NFIA: variants seen among roughly 807,000 people sequenced by gnomAD.
The protein encoded by NFIA is nuclear factor I A, also known as nuclear factor 1 A-type.
NFIA carries 8 observed loss-of-function variants against 62.8 expected under a neutral mutation model. The observed-to-expected ratio is 0.13, with a 90% CI of 0.07 to 0.23. The LOEUF is 0.23. NFIA is among the 10% of genes least tolerant of loss of function. The probability of loss-of-function intolerance (pLI) is 1.00; values close to 1 mark genes in which losing one functional copy is unlikely to be tolerated. For missense variants in NFIA, 410 were observed against 642.1 expected, an observed-to-expected ratio of 0.64 and a Z score of 3.91; for synonymous variants, 235 against 238.1, an observed-to-expected ratio of 0.99 and a Z score of 0.12.
intron 2 of NFIA, among the ~76,000 whole-genome samples, chr1:61,174,426 G>A (rs1650184712): frequency 6.6e-6 from 1 of 152,216 alleles, no homozygotes; most frequent in South Asian, 2.1e-4. Flanking sequence ...ACTTTTAATG[G>A]AAAGGTTGGG....
chr1:61,183,570 G>C (rs1650904198), intron 2 of NFIA, among the ~76,000 whole-genome samples: 1 of 152,214 alleles, frequency 6.6e-6, no homozygotes, highest in African/African-American at 2.4e-5. Context: ...CCACAGACAT[G>C]CCTGGCCAAT....
At chr1:61,135,452 G>A (rs1368415250) in intron 2 of NFIA, among the ~76,000 whole-genome samples, 1 of 152,142 alleles carries the variant, frequency 6.6e-6, no homozygotes, top group Admixed American at 6.5e-5. Context: ...TGTTGCACAG[G>A]CTGGAGTGCA....
At chr1:61,084,031 T>A (rs12069799) in intron 1 of NFIA, among the ~76,000 whole-genome samples, 4 of 152,100 alleles carry the variant, frequency 2.6e-5, no homozygotes, top group Non-Finnish European at 5.9e-5. Context: ...GGTTTTGCGC[T>A]ATTTTTTTTT....
intron 10 of NFIA, among the ~76,000 whole-genome samples, chr1:61,453,535 A>C (rs1252679536): frequency 6.6e-6 from 1 of 150,628 alleles, no homozygotes; most frequent in Non-Finnish European, 1.5e-5. Context: ...CTCGTCCAGA[A>C]ACTGTGGTGT....
At chr1:61,405,373 A>G (rs1395786224) in intron 8 of NFIA, among the ~76,000 whole-genome samples, 1 of 152,246 alleles carries the variant, frequency 6.6e-6, no homozygotes, top group East Asian at 1.9e-4. Context: ...TGCTGGCAAG[A>G]AAGCACAGCA....
chr1:61,394,380 G>T (rs192470545), intron 7 of NFIA, among the ~76,000 whole-genome samples: 1 of 152,094 alleles, frequency 6.6e-6, no homozygotes, highest in Non-Finnish European at 1.5e-5. Context: ...TCACCATGTT[G>T]ACCAGGCTGG....
intron 2 of NFIA, among the ~76,000 whole-genome samples, chr1:61,118,797 G>C (rs933310997): frequency 1.3e-5 from 2 of 152,010 alleles, no homozygotes; most frequent in African/African-American, 4.8e-5. Flanking sequence ...GCTTGCCACA[G>C]GGTTACACAG....
chr1:61,272,369 T>C (rs1316625536), intron 2 of NFIA, among the ~76,000 whole-genome samples: 1 of 152,184 alleles, frequency 6.6e-6, no homozygotes, highest in African/African-American at 2.4e-5. Flanking sequence ...TATTACAAAG[T>C]ATTACAATAA....
chr1:61,126,777 C>CTTTTTT (rs56255004), intron 2 of NFIA, among the ~76,000 whole-genome samples: 4 of 87,328 alleles, frequency 4.6e-5, no homozygotes, highest in African/African-American at 1.7e-4. Context: ...TGTCAGATTC[C>CTTTTTT]TTTTTTTTTT....
Position 61,200,046 on chromosome 1 carries a change from A to ATG in NFIA, c.560-77473_560-77472insGT, listed in dbSNP as rs1557632024. 4.1e-3 allele frequency among the ~76,000 whole-genome samples: 207 copies of ATG among 50,228 alleles called. 11 individuals are homozygous for ATG. Among genetic ancestry groups the ATG allele is most frequent in the African/African-American group, 0.026 (189 of 7,288 alleles). 33.0% of individuals were successfully genotyped at this position (50,228 alleles called of 152,430 possible). A position where few individuals can be genotyped will look rare whatever the true frequency, so the allele number is the denominator to read the frequency against. On this transcript the variant is annotated intron_variant, in intron 2 of 10. Transcript: ENST00000403491. ...TATATATATATATATATATATATATATATATATATATATATATATATGTAT... is the reference window on the plus strand; with the variant it reads ...TATATATATATATATATATATATATATGTATATATATATATATATATATGTAT...
chr1:61,279,777 C>G (rs1366115142), intron 3 of NFIA, among the ~76,000 whole-genome samples: 1 of 152,126 alleles, frequency 6.6e-6, no homozygotes, highest in Non-Finnish European at 1.5e-5. Flanking sequence ...CCTGGCATGC[C>G]TTTCTGGAGC....
intron 1 of NFIA, among the ~76,000 whole-genome samples, chr1:61,085,939 AG>A (rs1275203650): frequency 2.0e-5 from 3 of 152,178 alleles, no homozygotes; most frequent in Non-Finnish European, 2.9e-5. Context: ...TGCAGTTTGC[AG>A]TTTTTTGAAA....
At chr1:61,416,955 G>T (rs1014104101) in intron 9 of NFIA, among the ~76,000 whole-genome samples, 3 of 151,682 alleles carry the variant, frequency 2.0e-5, no homozygotes, top group African/African-American at 4.8e-5. Context: ...CACCATCCTG[G>T]GTACATTGAA....
chr1:61,257,649 G>A (rs562740401), intron 2 of NFIA, among the ~76,000 whole-genome samples: 3 of 151,706 alleles, frequency 2.0e-5, no homozygotes, highest in Non-Finnish European at 4.4e-5. Context: ...TACTGAGTTC[G>A]TAAGTGAAGC....
intron 2 of NFIA, among the ~76,000 whole-genome samples, chr1:61,141,563 C>T (rs1324859074): frequency 5.3e-5 from 8 of 152,230 alleles, no homozygotes; most frequent in South Asian, 2.1e-4. Flanking sequence ...CTATTTAGCA[C>T]GAAGTGATGC....
intron 2 of NFIA, among the ~76,000 whole-genome samples, chr1:61,221,968 G>A (rs1299390126): frequency 1.3e-5 from 2 of 152,114 alleles, no homozygotes; most frequent in Non-Finnish European, 2.9e-5. Context: ...TTGTTGGTTT[G>A]TTAAAACTGA....
intron 3 of NFIA, among the ~76,000 whole-genome samples, chr1:61,293,384 A>T (rs566663117): frequency 6.6e-6 from 1 of 152,348 alleles, no homozygotes; most frequent in South Asian, 2.1e-4. Flanking sequence ...AACAAAAGGA[A>T]CATTATGGGT....
chr1:61,417,328 A>G (rs988167844), intron 9 of NFIA, among the ~76,000 whole-genome samples: 1 of 146,744 alleles, frequency 6.8e-6, no homozygotes, highest in South Asian at 2.3e-4. Context: ...ACTGAATATA[A>G]TATCTAGTAT....
intron 2 of NFIA, among the ~76,000 whole-genome samples, chr1:61,273,127 T>G (rs76160323): frequency 0.047 from 7,102 of 152,280 alleles, 544 homozygotes; most frequent in African/African-American, 0.15. Flanking sequence ...CTCACCAGTG[T>G]GTCTGCTTTT....
Sources: gnomAD v4.1 joint callset for allele counts (sites outside exome capture counted in the v4.1 genomes callset) on GRCh38, gnomAD v4.1.1 for gene constraint, MANE v1.5 for transcripts, NCBI Gene and HGNC (gene_info 2026-07-23, HGNC 2026-07-21) for gene names.